Variants in STXBP5L observed in about 807,000 individuals in gnomAD.
STXBP5L encodes the protein syntaxin-binding protein 5-like.
A neutral mutation model predicts 144.5 loss-of-function variants in STXBP5L; 65 were observed. That is an observed-to-expected ratio of 0.45 (90% CI 0.37 to 0.55). The LOEUF (loss-of-function observed/expected upper bound fraction) is 0.55. Ranked by LOEUF, STXBP5L falls within the 20% of genes least tolerant of loss-of-function variation. The pLI is 0.00. For synonymous variants in STXBP5L, 505 were observed against 469.6 expected (o/e 1.08, Z -0.97); for missense variants, 1,298 against 1,405.5 (o/e 0.92, Z 1.22).
chr3:121,167,496 G>A (rs913792288), intron 9 of STXBP5L, among the ~76,000 whole-genome samples: 3 of 152,096 alleles, frequency 2.0e-5, no homozygotes, highest in African/African-American at 7.2e-5. Flanking sequence ...TAGGGAAGTG[G>A]CGTCTGCAAT....
At chr3:121,334,911 C>T (rs1210233500) in intron 20 of STXBP5L, among the ~76,000 whole-genome samples, 1 of 152,076 alleles carries the variant, frequency 6.6e-6, no homozygotes, top group Non-Finnish European at 1.5e-5. Context: ...CAAGTATGCT[C>T]ACCCACCACT....
rs759801965 is a variant in STXBP5L, at chr3:121,110,121, G to A, written c.471-4804G>A. 3.9e-5 allele frequency among the ~76,000 whole-genome samples: 6 copies of A among 152,038 alleles called. 1 individual carries two copies. Among genetic ancestry groups the A allele is most frequent in the Admixed American group, 1.3e-4 (2 of 15,262 alleles). ...TGTGTCCCTGCATGTGAGAAGGGTC[G>A]CTTGAATATAGCACACCAATGGGTC... is the stretch of plus-strand genomic sequence containing the variant. On this transcript the variant is annotated intron_variant, in intron 5 of 26. Transcript: ENST00000471454.
intron 3 of STXBP5L, among the ~76,000 whole-genome samples, chr3:120,980,332 C>T (rs369987299): frequency 6.6e-6 from 1 of 152,048 alleles, no homozygotes; most frequent in Non-Finnish European, 1.5e-5. Flanking sequence ...AAATCCCCCA[C>T]TATTATTGTT....
rs986606203 is a variant in STXBP5L, at chr3:121,211,876, G to T, written c.956+5875G>T. ...ATTACAGGAGTGAGCCAACATGCTG[G>T]CCTGTTTCCTGACTTTTTAAGGATC... On this transcript the variant is annotated intron_variant, in intron 10 of 26. Transcript: ENST00000471454. 2.6e-5 allele frequency among the ~76,000 whole-genome samples: 4 copies of T among 151,734 alleles called. No individual in the cohort carries two copies. In the South Asian group the frequency reaches 6.3e-4, roughly 24 times the overall value.
At chr3:120,984,148 A>C (rs1327163710) in intron 3 of STXBP5L, among the ~76,000 whole-genome samples, 1 of 152,174 alleles carries the variant, frequency 6.6e-6, no homozygotes, top group East Asian at 1.9e-4. Context: ...AGACTCATGA[A>C]GAGGTTAAAG....
Position 121,407,603 on chromosome 3 carries a change from G to T in STXBP5L, c.2948G>T (p.Ser983Ile). The change falls in exon 23 of 27, where the codon AGC (serine) becomes ATC (isoleucine). Residue 983 changes from serine (S) to isoleucine (I), a missense_variant and splice_region_variant. Transcript: ENST00000471454. ...GCTAACGGACATATCATGATAATGA[G>T]GTACTTGCCTTCTTATAAATTATCT... is the stretch of plus-strand genomic sequence containing the variant. ...FCANGHIMIM[S>I]LPSLRPMLDV... The T allele has an allele frequency of 6.2e-7, 1 of 1,612,818 alleles. No individual in the cohort carries two copies. Among genetic ancestry groups the T allele is most frequent in the Non-Finnish European group, 8.5e-7 (1 of 1,179,400 alleles).
intron 19 of STXBP5L, chr3:121,282,431 C>T (rs1037322917): frequency 1.7e-6 from 2 of 1,183,494 alleles, no homozygotes; most frequent in Non-Finnish European, 2.4e-6. Flanking sequence ...TTTCTTAAAA[C>T]ACATTCAGCA....
At chr3:121,189,100 C>T (rs1057401184) in intron 9 of STXBP5L, among the ~76,000 whole-genome samples, 3 of 152,126 alleles carry the variant, frequency 2.0e-5, no homozygotes, top group Admixed American at 6.5e-5. Context: ...CTGATAAGCT[C>T]ATTGTAGATT....
chr3:121,269,208 G>A (rs761918159), intron 18 of STXBP5L, among the ~76,000 whole-genome samples: 1 of 151,976 alleles, frequency 6.6e-6, no homozygotes, highest in Non-Finnish European at 1.5e-5. Flanking sequence ...CTAAATCCTG[G>A]TTGGCCGAAG....
chr3:121,377,019 GCTGT>G (rs1308025583), intron 20 of STXBP5L, among the ~76,000 whole-genome samples: 2 of 152,066 alleles, frequency 1.3e-5, no homozygotes, highest in Admixed American at 6.5e-5. Flanking sequence ...TCATGATTTG[GCTGT>G]CTGTTTGTCT....
At chr3:121,392,770 CATATATATATATATATATATATATATAT>C (rs71133531) in intron 22 of STXBP5L, among the ~76,000 whole-genome samples, 2 of 112,386 alleles carry the variant, frequency 1.8e-5, no homozygotes, top group Non-Finnish European at 3.6e-5. Flanking sequence ...TATTTCATGG[CATATATATATATATATATATATATATAT>C]ATATATATAT....
intron 20 of STXBP5L, among the ~76,000 whole-genome samples, chr3:121,353,856 G>C (rs994108133): frequency 2.0e-5 from 3 of 152,158 alleles, no homozygotes; most frequent in Non-Finnish European, 4.4e-5. Flanking sequence ...TGCTTTAAAT[G>C]TGTCCCAGAG....
Position 121,007,252 on chromosome 3 carries a change from C to T in STXBP5L, c.288-34448C>T, listed in dbSNP as rs192407885. Among the ~76,000 whole-genome samples the T allele has an allele frequency of 2.6e-3, 388 of 152,076 alleles. 3 individuals carry two copies. Among genetic ancestry groups the T allele is most frequent in the Non-Finnish European group, 4.3e-3 (292 of 67,932 alleles). On this transcript the variant is annotated intron_variant, in intron 3 of 26. Transcript: ENST00000471454. ...GTGATAAGCCCCCTTGATTATGATA[C>T]ATTATCTATCTTATATATTGTTCTT...
chr3:121,244,897 T>TC (rs1408762622), intron 14 of STXBP5L, among the ~76,000 whole-genome samples: 3 of 152,090 alleles, frequency 2.0e-5, no homozygotes, highest in African/African-American at 7.2e-5. Flanking sequence ...CTGAAGGAAT[T>TC]CATCACAACT....
rs548675171 is a variant in STXBP5L, at chr3:120,971,318, G to A, written c.287+16281G>A. 5.9e-5 allele frequency among the ~76,000 whole-genome samples: 9 copies of A among 151,910 alleles called. No homozygotes were observed. In the East Asian group the frequency reaches 1.2e-3, roughly 20 times the overall value. ...TGGAGAAATTGAGGATTTTGTACCC[G>A]TCACCCAAGTAGTGTACATTGTACT... On this transcript the variant is annotated intron_variant, in intron 3 of 26. Coordinates refer to ENST00000471454, the MANE Select transcript of STXBP5L (RefSeq NM_001308330.2).
At chr3:121,250,674 G>A in intron 14 of STXBP5L, 49 bp from the exon 15 acceptor site, 1 of 1,468,796 alleles carries the variant, frequency 6.8e-7, no homozygotes, top group South Asian at 1.2e-5. Flanking sequence ...GAGTGATTAT[G>A]ATTTTTATTT....
chr3:121,328,000 T>G (rs1212888874), intron 20 of STXBP5L, among the ~76,000 whole-genome samples: 1 of 152,222 alleles, frequency 6.6e-6, no homozygotes, highest in African/African-American at 2.4e-5. Context: ...ACAATGTGAC[T>G]TAAGGAGATT....
At chr3:120,920,176 T>C (rs974803875) in intron 2 of STXBP5L, among the ~76,000 whole-genome samples, 3 of 151,840 alleles carry the variant, frequency 2.0e-5, no homozygotes, top group African/African-American at 7.2e-5. Context: ...CAGTTTCTCT[T>C]TTATTCACCA....
At chr3:121,071,156 G>A (rs532994643) in intron 5 of STXBP5L, among the ~76,000 whole-genome samples, 1 of 152,162 alleles carries the variant, frequency 6.6e-6, no homozygotes, top group African/African-American at 2.4e-5. Context: ...GGTGGCTTTA[G>A]TATTACTAAT....
Sources: gnomAD v4.1 joint callset for allele counts (sites outside exome capture counted in the v4.1 genomes callset) on GRCh38, gnomAD v4.1.1 for gene constraint, MANE v1.5 for transcripts, NCBI Gene and HGNC (gene_info 2026-07-23, HGNC 2026-07-21) for gene names.